Variants in RPS6KA6 observed in about 807,000 individuals in gnomAD.
RPS6KA6 encodes the protein ribosomal protein S6 kinase A6.
RPS6KA6 carries 27 observed loss-of-function variants against 65.4 expected under a neutral mutation model. That is an observed-to-expected ratio of 0.41 (90% confidence interval 0.30 to 0.57). RPS6KA6 has a LOEUF of 0.57. Among genes scored for constraint, RPS6KA6 ranks in the 20% least tolerant of loss-of-function variants. RPS6KA6 has a pLI of 0.24. For missense variants in RPS6KA6, 486 were observed against 555.6 expected (o/e 0.87, Z 1.26); for synonymous variants, 190 against 184.2 (o/e 1.03, Z -0.26).
At chrX:84,090,406 A>G (rs1410836349) in intron 20 of RPS6KA6, among the ~76,000 whole-genome samples, 2 of 112,119 alleles carry the variant, frequency 1.8e-5, no homozygotes, top group Non-Finnish European at 3.8e-5. Context: ...GATGAACTTC[A>G]ATATATTATT....
Position 84,119,898 on chromosome X carries a change from T to C in RPS6KA6, c.776A>G (p.Tyr259Cys), listed in dbSNP as rs765307193. 4.2e-6 allele frequency: 5 copies of C among 1,192,688 alleles called. No homozygotes were observed. The highest frequency in any genetic ancestry group is 3.0e-5 in the East Asian group (1 of 33,271). The change falls in exon 9 of 22, where the codon TAT becomes TGT. Residue 259 changes from tyrosine to cysteine, a missense_variant. By Grantham distance (194) the Tyr-to-Cys change is radical. Around this residue, in one of 3 missense-constraint regions of RPS6KA6, gnomAD observed 345 missense variants for 375.0 expected, o/e 0.92. Coordinates refer to ENST00000262752, the MANE Select transcript of RPS6KA6 (RefSeq NM_014496.5). Reference sequence around the variant, plus strand: ...AATGCTACTTACCATAAGAACACCATATGACCACCAATCAGCACTCTGGGA... The same window carrying C: ...AATGCTACTTACCATAAGAACACCACATGACCACCAATCAGCACTCTGGGA... ...GHSQSADWWS[Y>C]GVLMFEMLTG...
intron 8 of RPS6KA6, among the ~76,000 whole-genome samples, chrX:84,133,228 A>G (rs1265489240): frequency 8.9e-6 from 1 of 111,843 alleles, no homozygotes; most frequent in Non-Finnish European, 1.9e-5. Flanking sequence ...GTGAGTGGTC[A>G]TACTTTAACC....
Position 84,119,896 on chromosome X carries a change from C to T in RPS6KA6, c.778G>A (p.Gly260Ser). 1 of 1,190,846 alleles carries T rather than the reference C, an allele frequency of 8.4e-7. No homozygotes were observed. Among genetic ancestry groups the T allele is most frequent in the South Asian group, 1.9e-5 (1 of 52,525 alleles). Residue 260 changes from glycine (G) to serine (S), a missense_variant, in exon 9 of 22, where the codon GGT becomes AGT. By Grantham distance (56) the Gly-to-Ser change is moderately conservative. Around this residue, in one of 3 missense-constraint regions of RPS6KA6, gnomAD observed 345 missense variants for 375.0 expected, o/e 0.92. Coordinates refer to ENST00000262752, the MANE Select transcript of RPS6KA6 (RefSeq NM_014496.5). ...ATAATGCTACTTACCATAAGAACACCATATGACCACCAATCAGCACTCTGG... is the reference window on the plus strand; with the variant it reads ...ATAATGCTACTTACCATAAGAACACTATATGACCACCAATCAGCACTCTGG... Reference protein sequence around the residue: ...HSQSADWWSYGVLMFEMLTGT... With the variant: ...HSQSADWWSYSVLMFEMLTGT...
chrX:84,079,389 C>T (rs1157892500), intron 20 of RPS6KA6, among the ~76,000 whole-genome samples: 3 of 110,723 alleles, frequency 2.7e-5, no homozygotes, highest in East Asian at 2.9e-4. Flanking sequence ...ACTGGGCAGC[C>T]GTTTTTGGGC....
At chrX:84,069,516 T>C (rs1021903051) in intron 20 of RPS6KA6, among the ~76,000 whole-genome samples, 4 of 112,134 alleles carry the variant, frequency 3.6e-5, no homozygotes, top group Non-Finnish European at 5.6e-5. Flanking sequence ...AAAGACTTTA[T>C]GACTAAAACA....
intron 20 of RPS6KA6, among the ~76,000 whole-genome samples, chrX:84,089,253 T>C (rs975990183): frequency 8.9e-6 from 1 of 111,976 alleles, no homozygotes; most frequent in Non-Finnish European, 1.9e-5. Context: ...TTAGAATGAC[T>C]GACCCAACCA....
chrX:84,172,112 T>C (rs2035693511), intron 1 of RPS6KA6, among the ~76,000 whole-genome samples: 1 of 112,064 alleles, frequency 8.9e-6, no homozygotes, highest in Admixed American at 9.5e-5. Context: ...TCCAAGTGTT[T>C]GCTGCAATAA....
At chrX:84,067,165 A>T (rs1489894071) in intron 20 of RPS6KA6, among the ~76,000 whole-genome samples, 1 of 112,379 alleles carries the variant, frequency 8.9e-6, no homozygotes, top group Non-Finnish European at 1.9e-5. Context: ...CACAAAAATG[A>T]GGAAAAACCA....
At chrX:84,107,146 A>G (rs978710564) in intron 13 of RPS6KA6, 106 bp from the exon 14 acceptor site, 5 of 550,688 alleles carry the variant, frequency 9.1e-6, no homozygotes, top group Non-Finnish European at 1.4e-5. Context: ...TGCTACTAAC[A>G]TATTATATAT....
chrX:84,085,425 A>G (rs2033897981), intron 20 of RPS6KA6, among the ~76,000 whole-genome samples: 1 of 111,148 alleles, frequency 9.0e-6, no homozygotes, highest in South Asian at 3.7e-4. Flanking sequence ...AATTTTCTGC[A>G]TTATTGAGAT....
chrX:84,170,943 T>C (rs1044244689), intron 1 of RPS6KA6, among the ~76,000 whole-genome samples: 1 of 111,215 alleles, frequency 9.0e-6, no homozygotes, highest in Admixed American at 9.6e-5. Context: ...AGTAATTAAG[T>C]GACCATGTTG....
At chrX:84,150,902 G>GAT (rs200442191) in intron 3 of RPS6KA6, among the ~76,000 whole-genome samples, 2 of 72,990 alleles carry the variant, frequency 2.7e-5, no homozygotes, top group African/African-American at 9.7e-5. Flanking sequence ...ATATATATAG[G>GAT]ATATATAGAG....
Position 84,104,514 on chromosome X carries a change from A to G in RPS6KA6, c.1599T>C (p.Tyr533=). The part of the protein sequence containing the change: ...ILYVISKTVD[Y]LHCQGVVHRD... Reference sequence around the variant, plus strand: ...TACAACTTACTCCTTGACAATGAAGATAGTCAACTGTCTTACTTATTACAT... The same window carrying G: ...TACAACTTACTCCTTGACAATGAAGGTAGTCAACTGTCTTACTTATTACAT... The change falls in exon 17 of 22, where the codon TAT becomes TAC. Residue 533 remains tyrosine, a synonymous_variant. Transcript: ENST00000262752. 1 of 1,144,562 alleles carries G rather than the reference A, an allele frequency of 8.7e-7. No individual in the cohort carries two copies. The highest frequency in any genetic ancestry group is 1.2e-6 in the Non-Finnish European group (1 of 862,670). 94.3% of individuals were successfully genotyped at this position (1,144,562 alleles called of 1,213,427 possible). A position where few individuals can be genotyped will look rare whatever the true frequency, so the allele number is the denominator to read the frequency against.
intron 2 of RPS6KA6, among the ~76,000 whole-genome samples, chrX:84,158,197 A>C (rs1042150702): frequency 9.0e-6 from 1 of 110,918 alleles, no homozygotes; most frequent in Non-Finnish European, 1.9e-5. Flanking sequence ...AACAGGAAAA[A>C]ATATATACTT....
Position 84,082,836 on chromosome X carries a change from A to G in RPS6KA6, c.1971+13358T>C, listed in dbSNP as rs183489972. Among the ~76,000 whole-genome samples the G allele has an allele frequency of 2.3e-3, 252 of 111,920 alleles. 2 individuals are homozygous for G. The highest frequency in any genetic ancestry group is 7.8e-3 in the African/African-American group (239 of 30,782). On this transcript the variant is annotated intron_variant, in intron 20 of 21. Coordinates refer to ENST00000262752, the MANE Select transcript of RPS6KA6 (RefSeq NM_014496.5). ...GTTTTTGACAATCCTGACAAGAACA[A>G]GCAAAGAGGAAAGGATTCCCTATTT...
Position 84,089,905 on chromosome X carries a change from CCT to C in RPS6KA6, c.1971+6287_1971+6288del, listed in dbSNP as rs760864792. 5.3e-5 allele frequency among the ~76,000 whole-genome samples: 6 copies of C among 112,200 alleles called. No individual in the cohort carries two copies. The Admixed American group carries it at 5.7e-4, about 11-fold the overall frequency. On this transcript the variant is annotated intron_variant, in intron 20 of 21. Transcript: ENST00000262752. ...CTACTTATAGTTGGCCATCTTGGCC[CCT>C]CTCAATGTACTCAGGTTTCTTATTT...
At chrX:84,134,590 C>A (rs2034961055) in intron 8 of RPS6KA6, among the ~76,000 whole-genome samples, 192 bp downstream of exon 8, 1 of 110,856 alleles carries the variant, frequency 9.0e-6, no homozygotes, top group Non-Finnish European at 1.9e-5. Flanking sequence ...ATCTAATGTA[C>A]AATTTTTTAA....
chrX:84,107,517 C>T (rs1462422542), intron 13 of RPS6KA6, 106 bp downstream of exon 13: 3 of 470,257 alleles, frequency 6.4e-6, no homozygotes, highest in African/African-American at 2.5e-5. Flanking sequence ...GACAAATCAA[C>T]TCTCTGCAAA....
chrX:84,092,167 C>T (rs980449887), intron 20 of RPS6KA6, among the ~76,000 whole-genome samples: 3 of 111,006 alleles, frequency 2.7e-5, no homozygotes, highest in South Asian at 7.8e-4. Context: ...CAAATCTGCA[C>T]ATCCTGCACA....
Sources: allele counts gnomAD v4.1 joint callset (sites outside exome capture counted in the v4.1 genomes callset), GRCh38; gene constraint gnomAD v4.1.1; regional missense constraint gnomAD v4.1.1; transcripts MANE v1.5; gene names NCBI Gene and HGNC (gene_info 2026-07-23, HGNC 2026-07-21).